Variants in DMD observed in about 807,000 individuals in gnomAD.
DMD encodes dystrophin.
Under a neutral mutation model 330.1 loss-of-function variants are expected in DMD, and 63 were observed. That is an observed-to-expected ratio of 0.19 (90% CI 0.16 to 0.24). DMD has a LOEUF of 0.24. DMD is among the 10% of genes least tolerant of loss of function. DMD has a pLI of 1.00. For missense variants in DMD, 3,344 were observed against 2,684.1 expected, an observed-to-expected ratio of 1.25 and a Z score of -5.43; for synonymous variants, 1,223 against 959.8, an observed-to-expected ratio of 1.27 and a Z score of -5.07.
intron 4 of DMD, among the ~76,000 whole-genome samples, chrX:32,840,285 T>A (rs188061147): frequency 8.9e-6 from 1 of 112,139 alleles, no homozygotes; most frequent in Non-Finnish European, 1.9e-5. Context: ...GTAAGAAATG[T>A]GGCCTTCCCT....
intron 55 of DMD, among the ~76,000 whole-genome samples, chrX:31,551,358 C>T (rs1409798310): frequency 3.6e-5 from 4 of 110,350 alleles, no homozygotes; most frequent in East Asian, 2.8e-4. Flanking sequence ...GAGTCTTGCT[C>T]CTGTTAATAC....
At chrX:32,706,252 A>C (rs1298271048) in intron 7 of DMD, among the ~76,000 whole-genome samples, 1 of 48,268 alleles carries the variant, frequency 2.1e-5, no homozygotes. Flanking sequence ...GGGAGGGGGG[A>C]GGGATAGCAT....
At chrX:32,256,490 T>G (rs2097299606) in intron 43 of DMD, among the ~76,000 whole-genome samples, 1 of 111,075 alleles carries the variant, frequency 9.0e-6, no homozygotes, top group Non-Finnish European at 1.9e-5. Context: ...GTCTTTTAAT[T>G]GGGGCATTTA....
chrX:31,170,194 G>A (rs760739835), intron 73 of DMD, among the ~76,000 whole-genome samples: 2 of 111,733 alleles, frequency 1.8e-5, no homozygotes, highest in African/African-American at 6.5e-5. Flanking sequence ...ACAGAAGAAC[G>A]AAAATTAAGG....
intron 1 of DMD, among the ~76,000 whole-genome samples, chrX:33,098,983 G>A (rs928572212): frequency 6.2e-5 from 7 of 112,066 alleles, no homozygotes; most frequent in African/African-American, 2.3e-4. Context: ...TAAGGAAGAG[G>A]AACAGGCTAT....
intron 62 of DMD, among the ~76,000 whole-genome samples, chrX:31,268,054 T>G (rs749660758): frequency 2.7e-5 from 3 of 112,255 alleles, no homozygotes; most frequent in Admixed American, 9.4e-5. Context: ...GTGGTCCCCT[T>G]TTTAAAATTT....
At chrX:32,492,121 G>T (rs961139987) in intron 19 of DMD, among the ~76,000 whole-genome samples, 1 of 111,816 alleles carries the variant, frequency 8.9e-6, no homozygotes, top group East Asian at 2.8e-4. Flanking sequence ...GGGGGATCAC[G>T]GCATCGGGAG....
chrX:32,144,988 C>T (rs779805995), intron 44 of DMD, among the ~76,000 whole-genome samples: 40 of 111,674 alleles, frequency 3.6e-4, no homozygotes, highest in Non-Finnish European at 7.5e-4. Flanking sequence ...GAGCCGAGAT[C>T]GCACCATTGC....
At chrX:31,393,498 A>AC (rs1435974516) in intron 60 of DMD, among the ~76,000 whole-genome samples, 1 of 97,191 alleles carries the variant, frequency 1.0e-5, no homozygotes, top group African/African-American at 5.4e-5. Flanking sequence ...AAAACAAAAA[A>AC]AAAAAACAAA....
At chrX:31,434,827 G>A (rs1186776419) in intron 60 of DMD, among the ~76,000 whole-genome samples, 1 of 111,897 alleles carries the variant, frequency 8.9e-6, no homozygotes, top group East Asian at 2.8e-4. Flanking sequence ...TCTTGAGATC[G>A]TGGTCTGAAA....
At chrX:31,457,361 C>T (rs1304362481) in intron 59 of DMD, among the ~76,000 whole-genome samples, 1 of 111,354 alleles carries the variant, frequency 9.0e-6, no homozygotes, top group Non-Finnish European at 1.9e-5. Context: ...TTCATTTATT[C>T]CAAAAACTAT....
intron 62 of DMD, among the ~76,000 whole-genome samples, chrX:31,279,755 C>T (rs981779121): frequency 1.8e-5 from 2 of 112,333 alleles, no homozygotes; most frequent in Admixed American, 1.9e-4. Context: ...CATAAATGGC[C>T]CAATCCACCC....
chrX:32,775,372 C>A (rs1183561799), intron 7 of DMD, among the ~76,000 whole-genome samples: 2 of 112,845 alleles, frequency 1.8e-5, no homozygotes, highest in African/African-American at 6.4e-5. Flanking sequence ...CCACATTTCC[C>A]CCCTGCATTG....
intron 1 of DMD, among the ~76,000 whole-genome samples, chrX:33,041,981 A>T (rs1316250892): frequency 9.0e-6 from 1 of 111,302 alleles, no homozygotes; most frequent in Non-Finnish European, 1.9e-5. Context: ...CATCATATAG[A>T]TAAGAAAATG....
Position 32,628,659 on chromosome X carries a change from T to A in DMD, c.1332-14206A>T, listed in dbSNP as rs1023794940. Among the ~76,000 whole-genome samples the A allele has an allele frequency of 4.5e-5, 5 of 110,859 alleles. No individual in the cohort carries two copies. The South Asian group carries it at 1.1e-3, about 25-fold the overall frequency. On this transcript the variant is annotated intron_variant, in intron 11 of 78. Transcript: ENST00000357033. ...TTTTTGATGTAGGTATTTATACCTA[T>A]AAACTTTCCTCATAGTACTGCTTTC...
intron 9 of DMD, among the ~76,000 whole-genome samples, chrX:32,685,877 T>A (rs1569454832): frequency 8.9e-6 from 1 of 112,165 alleles, no homozygotes; most frequent in East Asian, 2.8e-4. Flanking sequence ...TCTATTAAAC[T>A]TTATAATGAA....
intron 48 of DMD, among the ~76,000 whole-genome samples, chrX:31,842,605 G>A (rs757590893): frequency 8.9e-6 from 1 of 111,889 alleles, no homozygotes; most frequent in South Asian, 3.7e-4. Context: ...TACTCTGATC[G>A]GTCAGCAGCT....
intron 45 of DMD, among the ~76,000 whole-genome samples, chrX:31,940,973 A>C (rs754625775): frequency 1.8e-5 from 2 of 111,682 alleles, no homozygotes; most frequent in Non-Finnish European, 3.8e-5. Flanking sequence ...CATCGAATTC[A>C]GTTTCTGGGT....
intron 1 of DMD, among the ~76,000 whole-genome samples, chrX:33,205,107 G>C (rs2148842264): frequency 8.9e-6 from 1 of 112,429 alleles, no homozygotes; most frequent in South Asian, 3.7e-4. Context: ...AGCGATTTTA[G>C]TTAACCACCT....
Sources: gnomAD v4.1 joint callset for allele counts (sites outside exome capture counted in the v4.1 genomes callset) on GRCh38, gnomAD v4.1.1 for gene constraint, MANE v1.5 for transcripts, NCBI Gene and HGNC (gene_info 2026-07-23, HGNC 2026-07-21) for gene names.